GABRB1: variants seen among roughly 807,000 people sequenced by gnomAD.
The protein encoded by GABRB1 is gamma-aminobutyric acid receptor subunit beta-1.
In GABRB1, 17 loss-of-function variants were observed where a neutral mutation model predicts 51.6. The ratio of observed to expected loss-of-function variants is 0.33; its 90% CI spans 0.23 to 0.49. GABRB1 has a LOEUF of 0.49. GABRB1 is among the 20% of genes least tolerant of loss of function. The pLI, the probability that GABRB1 is intolerant of heterozygous loss-of-function variation, is 0.99. For synonymous variants in GABRB1, 247 were observed against 218.9 expected (o/e 1.13, Z -1.14); for missense variants, 410 against 600.6 (o/e 0.68, Z 3.32).
chr4:46,996,211 G>A (rs1383119255), intron 1 of GABRB1, among the ~76,000 whole-genome samples: 1 of 151,850 alleles, frequency 6.6e-6, no homozygotes, highest in Non-Finnish European at 1.5e-5. Flanking sequence ...ATTATTGTCT[G>A]TGTAGCTGTG....
intron 5 of GABRB1, among the ~76,000 whole-genome samples, chr4:47,401,039 G>A (rs951544588): frequency 1.1e-4 from 16 of 148,942 alleles, no homozygotes; most frequent in African/African-American, 4.0e-4. Context: ...GGCCATTATG[G>A]TTGAGTAGTA....
intron 4 of GABRB1, among the ~76,000 whole-genome samples, chr4:47,279,350 C>A (rs141732629): frequency 6.6e-6 from 1 of 151,912 alleles, no homozygotes; most frequent in Non-Finnish European, 1.5e-5. Flanking sequence ...TTTTTACAAG[C>A]GAATAGAATA....
At chr4:47,358,740 C>T (rs1366860063) in intron 5 of GABRB1, among the ~76,000 whole-genome samples, 2 of 152,066 alleles carry the variant, frequency 1.3e-5, no homozygotes, top group Non-Finnish European at 2.9e-5. Context: ...ATGAATTTAG[C>T]GGTAGAGAAA....
At chr4:47,056,773 G>T (rs996702764) in intron 3 of GABRB1, among the ~76,000 whole-genome samples, 1 of 152,102 alleles carries the variant, frequency 6.6e-6, no homozygotes, top group Admixed American at 6.6e-5. Context: ...AGAAATGAGC[G>T]AAAGAGACAG....
At chr4:47,095,011 G>C (rs1283442921) in intron 3 of GABRB1, among the ~76,000 whole-genome samples, 1 of 151,908 alleles carries the variant, frequency 6.6e-6, no homozygotes, top group Non-Finnish European at 1.5e-5. Context: ...AGAAAAATCT[G>C]GCTCAGAAAA....
At chr4:47,317,790 GT>G (rs910065136) in intron 4 of GABRB1, among the ~76,000 whole-genome samples, 3 of 151,576 alleles carry the variant, frequency 2.0e-5, no homozygotes, top group Non-Finnish European at 4.4e-5. Context: ...ATTGCTGATA[GT>G]TTAGCGCAAA....
intron 3 of GABRB1, among the ~76,000 whole-genome samples, chr4:47,124,361 G>A (rs943242084): frequency 2.0e-5 from 3 of 152,100 alleles, no homozygotes; most frequent in African/African-American, 7.2e-5. Flanking sequence ...CCCAGCATGA[G>A]AAGGTCTGTA....
At chr4:47,126,910 T>C (rs1716169771) in intron 3 of GABRB1, among the ~76,000 whole-genome samples, 1 of 151,996 alleles carries the variant, frequency 6.6e-6, no homozygotes, top group African/African-American at 2.4e-5. Context: ...CTGAATGATA[T>C]ATGCATATCT....
intron 5 of GABRB1, among the ~76,000 whole-genome samples, chr4:47,352,481 C>G (rs1462993789): frequency 6.6e-6 from 1 of 152,070 alleles, no homozygotes; most frequent in Non-Finnish European, 1.5e-5. Flanking sequence ...AATTTTAGAC[C>G]AATATCCTTG....
chr4:47,276,995 T>C (rs1723106860), intron 4 of GABRB1, among the ~76,000 whole-genome samples: 1 of 151,984 alleles, frequency 6.6e-6, no homozygotes. Flanking sequence ...AAATAAAACA[T>C]AGGTAGGATT....
chr4:47,213,893 C>T (rs1189460040), intron 4 of GABRB1, among the ~76,000 whole-genome samples: 1 of 150,698 alleles, frequency 6.6e-6, no homozygotes, highest in Non-Finnish European at 1.5e-5. Flanking sequence ...CTATATTATG[C>T]GCTTTAGGGT....
At chr4:47,269,897 C>T (rs182637889) in intron 4 of GABRB1, among the ~76,000 whole-genome samples, 1 of 147,476 alleles carries the variant, frequency 6.8e-6, no homozygotes, top group East Asian at 2.0e-4. Flanking sequence ...CACTACTTAA[C>T]AAACCTGATG....
chr4:47,412,595 T>C (rs1214001996), intron 8 of GABRB1, among the ~76,000 whole-genome samples: 1 of 152,214 alleles, frequency 6.6e-6, no homozygotes, highest in East Asian at 1.9e-4. Flanking sequence ...GAAATGGCAC[T>C]GTTCGTCTGG....
chr4:47,100,039 T>G (rs977587899), intron 3 of GABRB1, among the ~76,000 whole-genome samples: 6 of 152,068 alleles, frequency 3.9e-5, no homozygotes, highest in Non-Finnish European at 8.8e-5. Context: ...TGTATTTACT[T>G]AATTTTTTAT....
intron 8 of GABRB1, among the ~76,000 whole-genome samples, chr4:47,423,081 C>A (rs143405634): frequency 6.6e-6 from 1 of 151,366 alleles, no homozygotes; most frequent in East Asian, 1.9e-4. Flanking sequence ...ACCTAAAAAT[C>A]AACATCAACA....
intron 3 of GABRB1, among the ~76,000 whole-genome samples, chr4:47,057,805 T>C (rs1726682444): frequency 6.6e-6 from 1 of 152,144 alleles, no homozygotes; most frequent in Non-Finnish European, 1.5e-5. Flanking sequence ...CAAAATCCAA[T>C]CACCGACATG....
At chr4:47,253,182 A>G (rs967147619) in intron 4 of GABRB1, among the ~76,000 whole-genome samples, 1 of 152,204 alleles carries the variant, frequency 6.6e-6, no homozygotes, top group African/African-American at 2.4e-5. Context: ...GATATACTAT[A>G]AAGGAATTGA....
upstream of GABRB1, among the ~76,000 whole-genome samples, chr4:47,030,747 A>G (rs1322371916): frequency 4.6e-5 from 7 of 152,152 alleles, no homozygotes; most frequent in Admixed American, 3.9e-4. Context: ...AACTGTCTGG[A>G]TGTTTCAGAG....
At chr4:47,335,709 CT>C (rs1287412687) in intron 5 of GABRB1, among the ~76,000 whole-genome samples, 3 of 152,226 alleles carry the variant, frequency 2.0e-5, no homozygotes, top group East Asian at 3.9e-4. Flanking sequence ...TGAAAATTCT[CT>C]TTTTTTCCAT....
Sources: gnomAD v4.1 joint callset for allele counts (sites outside exome capture counted in the v4.1 genomes callset) on GRCh38, gnomAD v4.1.1 for gene constraint, MANE v1.5 for transcripts, NCBI Gene and HGNC (gene_info 2026-07-23, HGNC 2026-07-21) for gene names.